WDFY3: variants seen among roughly 807,000 people sequenced by gnomAD.
The protein encoded by WDFY3 is WD repeat and FYVE domain-containing protein 3.
Under a neutral mutation model 409.6 loss-of-function variants are expected in WDFY3, and 66 were observed. That is an observed-to-expected ratio of 0.16 (90% CI 0.13 to 0.20). WDFY3 has a LOEUF of 0.20. WDFY3 is among the 10% of genes least tolerant of loss of function. The probability of loss-of-function intolerance (pLI) is 1.00; values close to 1 mark genes in which losing one functional copy is unlikely to be tolerated. For missense variants in WDFY3, 3,031 were observed against 4,298.1 expected (o/e 0.71, Z 8.24); for synonymous variants, 1,521 against 1,537.1 (o/e 0.99, Z 0.25).
At chr4:84,777,133 T>C (rs1376598764) in intron 27 of WDFY3, among the ~76,000 whole-genome samples, 1 of 151,802 alleles carries the variant, frequency 6.6e-6, no homozygotes, top group Non-Finnish European at 1.5e-5. Context: ...TTAAGAGAAA[T>C]AGAGAAGTTA....
chr4:84,865,088 CCTGTTG>C (rs1215242629), intron 3 of WDFY3, among the ~76,000 whole-genome samples: 2 of 151,930 alleles, frequency 1.3e-5, no homozygotes, highest in Admixed American at 1.3e-4. Context: ...ATGGTTTTGT[CCTGTTG>C]CCCAGACTGG....
chr4:84,793,906 A>C (rs1748936975), intron 21 of WDFY3, among the ~76,000 whole-genome samples: 1 of 152,200 alleles, frequency 6.6e-6, no homozygotes, highest in Admixed American at 6.5e-5. Context: ...TGACCAAAAA[A>C]ATCACATTTA....
At chr4:84,881,411 C>T (rs552135750) in intron 3 of WDFY3, among the ~76,000 whole-genome samples, 18 of 152,166 alleles carry the variant, frequency 1.2e-4, no homozygotes, top group African/African-American at 4.3e-4. Flanking sequence ...AAGTACTTTG[C>T]AAGAAAGACG....
intron 4 of WDFY3, 44 bp from the exon 5 acceptor site, chr4:84,850,069 T>A: frequency 2.0e-6 from 3 of 1,532,662 alleles, no homozygotes; most frequent in Non-Finnish European, 2.6e-6. Flanking sequence ...CTGACAAATT[T>A]TTCTTTTTAT....
In WDFY3 at chr4:84,753,852, A is replaced by C. The variant is rs201453878; in HGVS notation, c.5584T>G (p.Ser1862Ala). The change falls in exon 35 of 68, where the codon TCT (serine) becomes GCT (alanine). Residue 1862 changes from serine (S) to alanine (A), a missense_variant. By Grantham distance (99) the Ser-to-Ala change is moderately conservative. Coordinates refer to ENST00000295888, the MANE Select transcript of WDFY3 (RefSeq NM_014991.6). ...TSPWQSEEEGSWLREYPVTLM... is the reference protein window; with the variant it reads ...TSPWQSEEEGAWLREYPVTLM... ...GTCACAGGATATTCTCGGAGCCAAGATCCCTCTTCTTCTGATTGCCAAGGC... is the reference window on the plus strand; with the variant it reads ...GTCACAGGATATTCTCGGAGCCAAGCTCCCTCTTCTTCTGATTGCCAAGGC... 6.2e-7 allele frequency: 1 copy of C among 1,602,564 alleles called. No homozygotes were observed. Among genetic ancestry groups the C allele is most frequent in the East Asian group, 2.2e-5 (1 of 44,560 alleles).
intron 5 of WDFY3, among the ~76,000 whole-genome samples, chr4:84,841,846 T>G (rs1428185911): frequency 6.6e-6 from 1 of 152,106 alleles, no homozygotes; most frequent in African/African-American, 2.4e-5. Flanking sequence ...AAGGAGATGA[T>G]GAAAGGATTA....
At chr4:84,776,736 C>T (rs1000537080) in intron 27 of WDFY3, among the ~76,000 whole-genome samples, 1 of 152,066 alleles carries the variant, frequency 6.6e-6, no homozygotes, top group Non-Finnish European at 1.5e-5. Context: ...CTCAAAAATA[C>T]TCAGCAAGTG....
At chr4:84,818,009 A>G (rs1360953595) in intron 12 of WDFY3, among the ~76,000 whole-genome samples, 1 of 152,176 alleles carries the variant, frequency 6.6e-6, no homozygotes, top group Non-Finnish European at 1.5e-5. Flanking sequence ...TTATTCCACC[A>G]TGGGAAAAAT....
At chr4:84,707,876 T>C (rs1284212863) in intron 53 of WDFY3, among the ~76,000 whole-genome samples, 1 of 152,168 alleles carries the variant, frequency 6.6e-6, no homozygotes, top group East Asian at 1.9e-4. Flanking sequence ...GCATATAGGG[T>C]GGATTTCCTT....
In WDFY3 at chr4:84,801,780, C is replaced by T. The variant is rs1446504336; in HGVS notation, c.2692G>A (p.Ala898Thr). The change falls in exon 17 of 68, where the codon GCT (alanine) becomes ACT (threonine). Residue 898 changes from alanine (A) to threonine (T), a missense_variant. Ala to Thr is a moderately conservative substitution (Grantham distance 58). Transcript: ENST00000295888. ...TGCAGCAGTCGTGCATGAAGACCAG[C>T]TTCACACATGACTTGCTGGTTCCTT... The part of the protein sequence containing the change: ...TERNQQVMCE[A>T]GLHARLLQRC... The T allele has an allele frequency of 5.0e-6, 8 of 1,614,058 alleles. No homozygotes were observed. Among genetic ancestry groups the T allele is most frequent in the Non-Finnish European group, 6.8e-6 (8 of 1,180,048 alleles).
chr4:84,898,879 A>G (rs1260081438), intron 2 of WDFY3, among the ~76,000 whole-genome samples: 1 of 152,204 alleles, frequency 6.6e-6, no homozygotes, highest in East Asian at 1.9e-4. Context: ...CCTAAGATTT[A>G]ACACCTAAGT....
intron 30 of WDFY3, among the ~76,000 whole-genome samples, chr4:84,768,503 A>C (rs1446753288): frequency 6.6e-6 from 1 of 152,206 alleles, no homozygotes; most frequent in African/African-American, 2.4e-5. Context: ...AATAAAGCTC[A>C]ATCTACTCTG....
intron 21 of WDFY3, 22 bp downstream of exon 21, chr4:84,794,497 G>C: frequency 6.3e-7 from 1 of 1,595,856 alleles, no homozygotes; most frequent in East Asian, 2.2e-5. Context: ...ATCAAAAGAA[G>C]AAAACAAAAA....
chr4:84,692,280 G>A (rs998569102), intron 59 of WDFY3, among the ~76,000 whole-genome samples: 2 of 152,160 alleles, frequency 1.3e-5, no homozygotes, highest in African/African-American at 4.8e-5. Flanking sequence ...GACTGACGCT[G>A]GCACAGAGCA....
At chr4:84,727,681 C>T (rs1341662767) in intron 44 of WDFY3, among the ~76,000 whole-genome samples, 3 of 152,124 alleles carry the variant, frequency 2.0e-5, no homozygotes, top group South Asian at 2.1e-4. Flanking sequence ...AAACCACTTC[C>T]GAATTTCCTT....
At chr4:84,874,035 A>C (rs1762457885) in intron 3 of WDFY3, among the ~76,000 whole-genome samples, 1 of 151,470 alleles carries the variant, frequency 6.6e-6, no homozygotes, top group Admixed American at 6.6e-5. Flanking sequence ...CCCGCCTCGG[A>C]CTCACAAAAT....
intron 2 of WDFY3, among the ~76,000 whole-genome samples, chr4:84,914,265 C>CA (rs1474330689): frequency 6.6e-6 from 1 of 151,780 alleles, no homozygotes; most frequent in Non-Finnish European, 1.5e-5. Flanking sequence ...ACTAAAAATA[C>CA]AAAAAATTAG....
intron 4 of WDFY3, 110 bp downstream of exon 4, chr4:84,860,302 A>C (rs1188162014): frequency 7.7e-7 from 1 of 1,297,730 alleles, no homozygotes; most frequent in East Asian, 2.4e-5. Flanking sequence ...CAAACTTCTT[A>C]AAACTAACTC....
In WDFY3 at chr4:84,778,495, A is replaced by G; in HGVS notation, c.4518+8T>C. On this transcript the variant is annotated splice_region_variant and intron_variant, in intron 27 of 67. Transcript: ENST00000295888. ...ATTATATATTATCAATTATGCTTATATACATACTTCAAAATCACAGAGGAG... is the reference window on the plus strand; with the variant it reads ...ATTATATATTATCAATTATGCTTATGTACATACTTCAAAATCACAGAGGAG... The G allele has an allele frequency of 1.3e-6, 2 of 1,593,010 alleles. No homozygotes were observed. The highest frequency in any genetic ancestry group is 1.7e-6 in the Non-Finnish European group (2 of 1,172,634).
Sources: allele counts gnomAD v4.1 joint callset (sites outside exome capture counted in the v4.1 genomes callset), GRCh38; gene constraint gnomAD v4.1.1; transcripts MANE v1.5; gene names NCBI Gene and HGNC (gene_info 2026-07-23, HGNC 2026-07-21).